The following STON1 variants were observed in gnomAD, a reference collection of about 807,000 sequenced individuals.
STON1 encodes stonin-1.
Under a neutral mutation model 60.9 loss-of-function variants are expected in STON1, and 79 were observed. That is an observed-to-expected ratio of 1.30 (90% CI 1.08 to 1.56). STON1 has a LOEUF of 1.56. Ranked by LOEUF, STON1 falls within the 40% of genes most tolerant of loss-of-function variation. The probability of loss-of-function intolerance (pLI) is 0.00; values close to 1 mark genes in which losing one functional copy is unlikely to be tolerated. For missense variants in STON1, 1,166 were observed against 858.9 expected, an observed-to-expected ratio of 1.36 and a Z score of -4.47; for synonymous variants, 363 against 306.9, an observed-to-expected ratio of 1.18 and a Z score of -1.91.
chr2:48,586,088 A>G (rs1197213773), intron 2 of STON1, among the ~76,000 whole-genome samples: 2 of 152,256 alleles, frequency 1.3e-5, no homozygotes, highest in Admixed American at 6.5e-5. Context: ...AAGCCTGGCC[A>G]GGGTAACCAC....
Position 48,582,049 on chromosome 2 carries a change from G to A in STON1, c.1416G>A (p.Glu472=), listed in dbSNP as rs770039159. 2 of 1,614,004 alleles carry A rather than the reference G, an allele frequency of 1.2e-6. No homozygotes were observed. The highest frequency in any genetic ancestry group is 4.5e-5 in the East Asian group (2 of 44,894). The change falls in exon 2 of 4, where the codon GAG becomes GAA. Residue 472 remains glutamate (E), a synonymous_variant. Transcript: ENST00000404752. ...CGAAGCGAGATGAATCCTATTATGA[G>A]AAGGACTCAGAAAAAAAGGGGATTG... is the stretch of plus-strand genomic sequence containing the variant. ...ELPKRDESYY[E]KDSEKKGIDI... is the part of the protein sequence containing the mutation.
In STON1 at chr2:48,559,736, C is replaced by T. The variant is rs1255834338; in HGVS notation, c.-47-20851C>T. Among the ~76,000 whole-genome samples, 5 of 152,302 alleles carry T rather than the reference C, an allele frequency of 3.3e-5. No individual in the cohort carries two copies. In the East Asian group the frequency reaches 5.8e-4, roughly 18 times the overall value. On this transcript the variant is annotated intron_variant, in intron 1 of 3. Transcript: ENST00000404752. ...CTTCTAAGCCCTTTTCCTACCATAC[C>T]ACCAGGGAATCAGACCTCTGCAGTT... is the stretch of plus-strand genomic sequence containing the variant.
chr2:48,567,227 C>G (rs1429010494), intron 1 of STON1, among the ~76,000 whole-genome samples: 1 of 152,176 alleles, frequency 6.6e-6, no homozygotes. Flanking sequence ...GCATTATGAG[C>G]TGCAGAACAT....
chr2:48,582,313 T>C lies in STON1; in HGVS notation c.1680T>C (p.Gly560=). Residue 560 remains glycine (G), a synonymous_variant, in exon 2 of 4, where the codon GGT becomes GGC. Coordinates refer to ENST00000404752, the MANE Select transcript of STON1 (RefSeq NM_006873.4). Reference sequence around the variant, plus strand: ...TGGCGCAGAGGTCATCCTATGCTGGTTCCTTAAGGTCCTGTGACAATATAA... The same window carrying C: ...TGGCGCAGAGGTCATCCTATGCTGGCTCCTTAAGGTCCTGTGACAATATAA... ...ASLAQRSSYA[G]SLRSCDNIRI... is the part of the protein sequence containing the mutation. 6.2e-7 allele frequency: 1 copy of C among 1,614,242 alleles called. No homozygotes were observed. Among genetic ancestry groups the C allele is most frequent in the South Asian group, 1.1e-5 (1 of 91,092 alleles).
intron 1 of STON1, among the ~76,000 whole-genome samples, chr2:48,577,796 A>G (rs750661037): frequency 1.3e-5 from 2 of 151,206 alleles, no homozygotes; most frequent in Non-Finnish European, 2.9e-5. Flanking sequence ...TTATATTTTT[A>G]GTAGAGACGC....
intron 1 of STON1, among the ~76,000 whole-genome samples, chr2:48,553,829 G>T (rs1453760546): frequency 6.6e-6 from 1 of 152,154 alleles, no homozygotes; most frequent in African/African-American, 2.4e-5. Flanking sequence ...TAGATTGTTT[G>T]AGTTTGAAGG....
At chr2:48,552,712 G>T (rs1055265952) in intron 1 of STON1, among the ~76,000 whole-genome samples, 13 of 152,214 alleles carry the variant, frequency 8.5e-5, no homozygotes, top group Admixed American at 6.5e-4. Flanking sequence ...AGAGGTTGCA[G>T]TGAGCTAAGA....
chr2:48,538,136 T>G (rs961831102), intron 1 of STON1, among the ~76,000 whole-genome samples: 6 of 151,928 alleles, frequency 3.9e-5, no homozygotes, highest in Admixed American at 2.0e-4. Flanking sequence ...TTTTTGTATT[T>G]TTAGTAGAGA....
At position 48,530,263 on chromosome 2, in the gene STON1, C is replaced by A. The variant is rs543885704; in HGVS notation, c.-48+47C>A. 4.1e-3 allele frequency: 1,435 copies of A among 352,458 alleles called. 34 individuals carry two copies. The highest frequency in any genetic ancestry group is 5.1e-3 in the East Asian group (58 of 11,372). 21.8% of individuals were successfully genotyped at this position (352,458 alleles called of 1,614,324 possible). A position where few individuals can be genotyped will look rare whatever the true frequency, so the allele number is the denominator to read the frequency against. On this transcript the variant is annotated intron_variant, in intron 1 of 3. Coordinates refer to ENST00000404752, the MANE Select transcript of STON1 (RefSeq NM_006873.4). The stretch of plus-strand genomic sequence containing the variant: ...ACAGAGACGGGAGGCCTGGGACCCC[C>A]CCTCTCCAGGGTGGGGCCTCCCGCC...
rs146457356 is a variant in STON1 at position 48,559,290 on chromosome 2, A to G, written c.-47-21297A>G. Among the ~76,000 whole-genome samples the G allele has an allele frequency of 4.0e-3, 609 of 152,320 alleles. 2 individuals carry two copies. The highest frequency in any genetic ancestry group is 0.014 in the African/African-American group (582 of 41,580). On this transcript the variant is annotated intron_variant, in intron 1 of 3. Coordinates refer to ENST00000404752, the MANE Select transcript of STON1 (RefSeq NM_006873.4). ...AATAGCTTAGATTGAGTAGCTTATA[A>G]GAAGAGAAATGTCTTGCTCACAGTT...
At chr2:48,564,654 CTT>C (rs1389048447) in intron 1 of STON1, among the ~76,000 whole-genome samples, 6 of 105,180 alleles carry the variant, frequency 5.7e-5, no homozygotes, top group Non-Finnish European at 8.1e-5. Context: ...CCTTCTTCTT[CTT>C]CTTTCTTATT....
Position 48,581,039 on chromosome 2 carries a change from T to C in STON1, c.406T>C (p.Leu136=). ...TRPTCLSHAL[L]PSDHSCTHPT... ...ACCAACATGTTTATCCCATGCCTTG[T>C]TACCCAGTGACCACTCATGTACACA... is the stretch of plus-strand genomic sequence containing the variant. The change falls in exon 2 of 4, where the codon TTA becomes CTA. Residue 136 remains leucine, a synonymous_variant. Coordinates refer to ENST00000404752, the MANE Select transcript of STON1 (RefSeq NM_006873.4). 6.3e-7 allele frequency: 1 copy of C among 1,578,170 alleles called. No individual in the cohort carries two copies.
chr2:48,577,776 C>T (rs529281310), intron 1 of STON1, among the ~76,000 whole-genome samples: 1 of 151,002 alleles, frequency 6.6e-6, no homozygotes, highest in Middle Eastern at 3.4e-3. Flanking sequence ...CCACCACTCC[C>T]GGCTATTTTT....
At chr2:48,573,529 G>A (rs773358235) in intron 1 of STON1, among the ~76,000 whole-genome samples, 6 of 152,000 alleles carry the variant, frequency 3.9e-5, no homozygotes, top group Non-Finnish European at 7.4e-5. Flanking sequence ...GTGACAGAGT[G>A]GTGCCCAGAA....
At chr2:48,544,718 G>A (rs1011238419) in intron 1 of STON1, among the ~76,000 whole-genome samples, 11 of 151,024 alleles carry the variant, frequency 7.3e-5, no homozygotes, top group African/African-American at 2.7e-4. Context: ...GCTAGTTTTT[G>A]TATTTTTCGT....
chr2:48,534,966 G>A (rs1441573847), intron 1 of STON1, among the ~76,000 whole-genome samples: 7 of 152,058 alleles, frequency 4.6e-5, no homozygotes, highest in African/African-American at 7.2e-5. Context: ...GAAGAATCCC[G>A]AATTCCATGG....
chr2:48,553,677 A>G (rs1416849964), intron 1 of STON1, among the ~76,000 whole-genome samples: 1 of 151,956 alleles, frequency 6.6e-6, no homozygotes, highest in Non-Finnish European at 1.5e-5. Flanking sequence ...TAGTAGAGAC[A>G]CAGTTTTATC....
At chr2:48,576,659 T>C (rs1232792485) in intron 1 of STON1, among the ~76,000 whole-genome samples, 4 of 152,176 alleles carry the variant, frequency 2.6e-5, no homozygotes, top group Non-Finnish European at 5.9e-5. Flanking sequence ...TGGAGACATG[T>C]TTATTCAAGT....
chr2:48,580,879 T>C lies in STON1; in HGVS notation c.246T>C (p.Ser82=). 6.3e-7 allele frequency: 1 copy of C among 1,587,074 alleles called. No homozygotes were observed. The highest frequency in any genetic ancestry group is 8.6e-7 in the Non-Finnish European group (1 of 1,169,006). The stretch of plus-strand genomic sequence containing the variant: ...GACCTCCAAGTAACTCTCCTCTTTC[T>C]ACACCTACCAAAGACTTCCCAGGTT... The part of the protein sequence containing the change: ...SPGPPSNSPL[S]TPTKDFPGFP... The change falls in exon 2 of 4, where the codon TCT becomes TCC. Residue 82 remains serine (S), a synonymous_variant. Transcript: ENST00000404752.
Sources: gnomAD v4.1 joint callset for allele counts (sites outside exome capture counted in the v4.1 genomes callset) on GRCh38, gnomAD v4.1.1 for gene constraint, MANE v1.5 for transcripts, NCBI Gene and HGNC (gene_info 2026-07-23, HGNC 2026-07-21) for gene names.